Variants in PDE4D observed in about 807,000 individuals in gnomAD.
PDE4D encodes the protein 3',5'-cyclic-AMP phosphodiesterase 4D.
PDE4D carries 24 observed loss-of-function variants against 87.4 expected under a neutral mutation model. The observed-to-expected ratio is 0.27, with a 90% CI of 0.20 to 0.39. The LOEUF is 0.39. PDE4D is among the 10% of genes least tolerant of loss of function. The pLI is 1.00. For missense variants in PDE4D, 714 were observed against 1,041.0 expected, an observed-to-expected ratio of 0.69 and a Z score of 4.32; for synonymous variants, 384 against 383.2, an observed-to-expected ratio of 1.00 and a Z score of -0.02.
chr5:60,270,875 C>T (rs781094327), intron 1 of PDE4D, among the ~76,000 whole-genome samples: 5 of 152,158 alleles, frequency 3.3e-5, no homozygotes, highest in South Asian at 2.1e-4. Context: ...TATTGAAATA[C>T]GTTCTTTCCA....
At position 60,093,989 on chromosome 5, in the gene PDE4D, T is replaced by G. The variant is rs79852414; in HGVS notation, c.42+91568A>C. 7.1e-3 allele frequency among the ~76,000 whole-genome samples: 1,076 copies of G among 152,332 alleles called. 22 individuals are homozygous for G. The highest frequency in any genetic ancestry group is 0.046 in the East Asian group (238 of 5,184). ...GAGTTTTTTCCTAAACTTTCTTCAGTGATCACCTGTTACACTTATAATCAG... is the reference window on the plus strand; with the variant it reads ...GAGTTTTTTCCTAAACTTTCTTCAGGGATCACCTGTTACACTTATAATCAG... On this transcript the variant is annotated intron_variant, in intron 2 of 16. Coordinates refer to the PDE4D transcript ENST00000502484.
At chr5:60,027,399 T>C (rs1472681319) in intron 2 of PDE4D, among the ~76,000 whole-genome samples, 1 of 152,246 alleles carries the variant, frequency 6.6e-6, no homozygotes, top group Non-Finnish European at 1.5e-5. Flanking sequence ...TGAAAGGACA[T>C]GACTTTGTTC....
chr5:60,357,806 G>A (rs544340683), intron 1 of PDE4D, among the ~76,000 whole-genome samples: 1 of 152,236 alleles, frequency 6.6e-6, no homozygotes, highest in East Asian at 1.9e-4. Context: ...AACAACACAA[G>A]TAATAATAAT....
At chr5:59,091,403 G>T (rs928862140) in intron 5 of PDE4D, among the ~76,000 whole-genome samples, 3 of 152,046 alleles carry the variant, frequency 2.0e-5, no homozygotes, top group Admixed American at 6.6e-5. Flanking sequence ...AAGAAGATTG[G>T]ACAGTAAATT....
chr5:60,494,452 G>A (rs1749703326), intron 1 of PDE4D, among the ~76,000 whole-genome samples: 1 of 152,196 alleles, frequency 6.6e-6, no homozygotes, highest in Non-Finnish European at 1.5e-5. Context: ...CATTCACTGA[G>A]AGGAAAATGA....
chr5:60,370,904 G>T (rs929792043), intron 1 of PDE4D, among the ~76,000 whole-genome samples: 4 of 152,096 alleles, frequency 2.6e-5, no homozygotes, highest in Admixed American at 6.6e-5. Context: ...TGAGTGAATT[G>T]TCCCTTTCCC....
intron 1 of PDE4D, among the ~76,000 whole-genome samples, chr5:59,762,862 T>TATATAG (rs1377579501): frequency 2.4e-5 from 3 of 122,636 alleles, no homozygotes; most frequent in Non-Finnish European, 5.2e-5. Flanking sequence ...AGGATATATA[T>TATATAG]ATATATATAT....
chr5:60,194,457 T>G (rs1172778842), intron 1 of PDE4D, among the ~76,000 whole-genome samples: 1 of 151,704 alleles, frequency 6.6e-6, no homozygotes, highest in Non-Finnish European at 1.5e-5. Flanking sequence ...ATTGATATTA[T>G]TTTTATCAGC....
chr5:59,046,074 C>T (rs1561381522), intron 5 of PDE4D, among the ~76,000 whole-genome samples: 1 of 152,106 alleles, frequency 6.6e-6, no homozygotes, highest in Non-Finnish European at 1.5e-5. Context: ...ATTAATCATA[C>T]TGTAATAAGA....
chr5:58,995,287 T>C (rs1748957819), intron 6 of PDE4D, among the ~76,000 whole-genome samples: 3 of 152,180 alleles, frequency 2.0e-5, no homozygotes, highest in Non-Finnish European at 2.9e-5. Flanking sequence ...ACAGATAATT[T>C]GTTAAATTTC....
intron 1 of PDE4D, among the ~76,000 whole-genome samples, chr5:59,443,928 A>G (rs538055914): frequency 1.3e-5 from 2 of 151,958 alleles, no homozygotes; most frequent in Non-Finnish European, 2.9e-5. Context: ...AGAGAAAACA[A>G]GAGAAATAAA....
intron 2 of PDE4D, among the ~76,000 whole-genome samples, chr5:60,010,923 A>T (rs1561976431): frequency 6.6e-6 from 1 of 152,318 alleles, no homozygotes; most frequent in East Asian, 1.9e-4. Flanking sequence ...AACAGTAAAA[A>T]GTGTGTTCTG....
intron 5 of PDE4D, among the ~76,000 whole-genome samples, chr5:59,131,722 AG>A (rs1472167911): frequency 3.3e-5 from 5 of 152,160 alleles, no homozygotes; most frequent in African/African-American, 1.2e-4. Flanking sequence ...AAAAGTATAT[AG>A]AATGTGGAAA....
chr5:59,841,073 AT>A (rs756969456), intron 1 of PDE4D, among the ~76,000 whole-genome samples: 23 of 152,092 alleles, frequency 1.5e-4, no homozygotes, highest in Non-Finnish European at 2.9e-4. Context: ...GAGTGTGGGA[AT>A]GCTAAAAACT....
chr5:60,414,670 A>C (rs1742332609), intron 1 of PDE4D, among the ~76,000 whole-genome samples: 1 of 152,242 alleles, frequency 6.6e-6, no homozygotes, highest in Non-Finnish European at 1.5e-5. Context: ...TATCTGGAGT[A>C]AACCAATCCT....
intron 1 of PDE4D, among the ~76,000 whole-genome samples, chr5:60,511,071 G>A (rs1750550258): frequency 6.6e-6 from 1 of 152,128 alleles, no homozygotes; most frequent in Non-Finnish European, 1.5e-5. Flanking sequence ...CCTGATCCAA[G>A]CAATTCTCCT....
At chr5:59,168,349 T>C (rs1782213412) in intron 5 of PDE4D, among the ~76,000 whole-genome samples, 1 of 152,186 alleles carries the variant, frequency 6.6e-6, no homozygotes, top group African/African-American at 2.4e-5. Context: ...AGCACTGCGT[T>C]ACCCTGGTTC....
intron 1 of PDE4D, among the ~76,000 whole-genome samples, chr5:60,364,855 G>C (rs1457222382): frequency 6.6e-6 from 1 of 152,134 alleles, no homozygotes; most frequent in Non-Finnish European, 1.5e-5. Context: ...ATCCCAAGAA[G>C]CAGAAATGTA....
chr5:59,672,313 A>T (rs1009757730), intron 1 of PDE4D, among the ~76,000 whole-genome samples: 3 of 152,214 alleles, frequency 2.0e-5, no homozygotes, highest in Non-Finnish European at 4.4e-5. Flanking sequence ...AGAGATAATT[A>T]TTATGGAAAA....
Sources: gnomAD v4.1 joint callset for allele counts (sites outside exome capture counted in the v4.1 genomes callset) on GRCh38, gnomAD v4.1.1 for gene constraint, MANE v1.5 for transcripts, NCBI Gene and HGNC (gene_info 2026-07-23, HGNC 2026-07-21) for gene names.